FBXW7: variants seen among roughly 807,000 people sequenced by gnomAD.
The protein encoded by FBXW7 is F-box and WD repeat domain containing 7.
A neutral mutation model predicts 86.3 loss-of-function variants in FBXW7; 11 were observed. The ratio of observed to expected loss-of-function variants is 0.13; its 90% CI spans 0.08 to 0.21. The LOEUF (loss-of-function observed/expected upper bound fraction) is 0.21, where lower values mean the gene tolerates loss of function less well. Among genes scored for constraint, FBXW7 ranks in the 10% least tolerant of loss-of-function variants. The probability of loss-of-function intolerance (pLI) is 1.00; values close to 1 mark genes in which losing one functional copy is unlikely to be tolerated. For missense variants in FBXW7, 488 were observed against 847.4 expected (o/e 0.58, Z 5.27); for synonymous variants, 313 against 297.9 (o/e 1.05, Z -0.52).
rs570883104 is a variant in FBXW7, at chr4:152,535,880, G to A, written c.-966C>T. Reference sequence around the variant, plus strand: ...GCAGCCGCCGCTGCCGGCCGGGAAGGTGAGGGGGGGAAAGGAGTGCGGCCG... The same window carrying A: ...GCAGCCGCCGCTGCCGGCCGGGAAGATGAGGGGGGGAAAGGAGTGCGGCCG... On this transcript the variant is annotated 5_prime_UTR_variant, in exon 1 of 14. Transcript: ENST00000281708. 2.6e-6 allele frequency: 1 copy of A among 377,904 alleles called. No individual in the cohort carries two copies. The highest frequency in any genetic ancestry group is 2.1e-5 in the African/African-American group (1 of 47,966). 23.4% of individuals were successfully genotyped at this position (377,904 alleles called of 1,614,324 possible).
chr4:152,390,450 GCTC>G (rs1735902675), intron 4 of FBXW7, among the ~76,000 whole-genome samples: 1 of 151,948 alleles, frequency 6.6e-6, no homozygotes, highest in African/African-American at 2.4e-5. Flanking sequence ...TTACACAGCT[GCTC>G]ACCAAGAATT....
chr4:152,385,226 G>C (rs538659572), intron 4 of FBXW7, among the ~76,000 whole-genome samples: 34 of 152,084 alleles, frequency 2.2e-4, no homozygotes, highest in Middle Eastern at 6.8e-3. Context: ...TTTTAACAAT[G>C]TGATACTCCA....
chr4:152,449,049 C>T (rs1369219173), intron 2 of FBXW7, among the ~76,000 whole-genome samples: 1 of 152,212 alleles, frequency 6.6e-6, no homozygotes, highest in Non-Finnish European at 1.5e-5. Context: ...TCCACACACA[C>T]TGTTCAAGAA....
At chr4:152,428,507 CAGAA>C (rs1015305741) in intron 2 of FBXW7, among the ~76,000 whole-genome samples, 3 of 152,188 alleles carry the variant, frequency 2.0e-5, no homozygotes, top group Non-Finnish European at 2.9e-5. Flanking sequence ...GACTGGAATT[CAGAA>C]AGAGAGATTC....
chr4:152,491,128 C>T (rs947770985), intron 2 of FBXW7, among the ~76,000 whole-genome samples: 3 of 152,150 alleles, frequency 2.0e-5, no homozygotes, highest in African/African-American at 4.8e-5. Flanking sequence ...TCTAATAACA[C>T]AGTTTTATTG....
chr4:152,352,919 A>G, intron 4 of FBXW7: 5 of 1,429,326 alleles, frequency 3.5e-6, no homozygotes, highest in Non-Finnish European at 2.7e-6. Flanking sequence ...TGCAGACTGC[A>G]CATCAATTAT....
At chr4:152,518,027 C>T (rs759475395) in intron 2 of FBXW7, among the ~76,000 whole-genome samples, 2 of 152,024 alleles carry the variant, frequency 1.3e-5, no homozygotes, top group Non-Finnish European at 2.9e-5. Context: ...CTCGCTGTGT[C>T]GCCCAGGCTG....
chr4:152,525,457 C>T (rs1225358803), intron 2 of FBXW7, among the ~76,000 whole-genome samples: 1 of 152,172 alleles, frequency 6.6e-6, no homozygotes, highest in African/African-American at 2.4e-5. Flanking sequence ...CTTCTCCCTC[C>T]TCCAACCCTC....
chr4:152,396,399 G>A (rs1288071535), intron 4 of FBXW7, among the ~76,000 whole-genome samples: 1 of 151,782 alleles, frequency 6.6e-6, no homozygotes, highest in Admixed American at 6.6e-5. Context: ...CTCCCTACAA[G>A]AGCTACTATT....
In FBXW7 at chr4:152,342,497, G is replaced by A. The variant is rs976255229; in HGVS notation, c.726+4433C>T. Among the ~76,000 whole-genome samples, 4 of 152,210 alleles carry A rather than the reference G, an allele frequency of 2.6e-5. No individual in the cohort carries two copies. The South Asian group carries it at 6.2e-4, about 24-fold the overall frequency. ...TTTTTAAACAAGCAACTCATCCAGT[G>A]TTGATGTAGATGACTCACAAAGCAG... On this transcript the variant is annotated intron_variant, in intron 6 of 13. Transcript: ENST00000281708.
intron 2 of FBXW7, among the ~76,000 whole-genome samples, chr4:152,497,334 A>AC (rs1355413638): frequency 5.7e-5 from 8 of 139,470 alleles, no homozygotes; most frequent in Non-Finnish European, 1.1e-4. Context: ...AAAAAAAAAA[A>AC]AAAAAAAACC....
intron 4 of FBXW7, among the ~76,000 whole-genome samples, chr4:152,379,540 G>C (rs1367459521): frequency 6.6e-6 from 1 of 151,646 alleles, no homozygotes; most frequent in Non-Finnish European, 1.5e-5. Flanking sequence ...TTTTTCAGAG[G>C]CAAGGTCTCA....
chr4:152,376,804 T>G (rs1734567678), intron 4 of FBXW7, among the ~76,000 whole-genome samples: 1 of 152,086 alleles, frequency 6.6e-6, no homozygotes, highest in Non-Finnish European at 1.5e-5. Context: ...CTCAGTTGCC[T>G]GACCCCAGAC....
intron 2 of FBXW7, among the ~76,000 whole-genome samples, chr4:152,415,891 A>G (rs1738384647): frequency 6.6e-6 from 1 of 152,062 alleles, no homozygotes; most frequent in South Asian, 2.1e-4. Context: ...CCCCTATTCA[A>G]TGATACTTTC....
At chr4:152,514,245 C>T (rs912170584) in intron 2 of FBXW7, among the ~76,000 whole-genome samples, 5 of 152,084 alleles carry the variant, frequency 3.3e-5, no homozygotes, top group African/African-American at 1.2e-4. Context: ...TGAGTCTTCC[C>T]TTGGGGTTCC....
intron 2 of FBXW7, among the ~76,000 whole-genome samples, chr4:152,523,117 A>G (rs543781175): frequency 2.0e-3 from 307 of 152,380 alleles, no homozygotes; most frequent in Admixed American, 4.1e-3. Context: ...TTCAGCAACT[A>G]GAGTGGTTCA....
At chr4:152,532,581 G>A (rs1165276179) in intron 2 of FBXW7, among the ~76,000 whole-genome samples, 2 of 152,052 alleles carry the variant, frequency 1.3e-5, no homozygotes, top group African/African-American at 4.8e-5. Flanking sequence ...CTTAAATATT[G>A]TGTCTCCACT....
chr4:152,323,037 A>G lies in FBXW7; in HGVS notation c.1968T>C (p.Phe656=). The change falls in exon 14 of 14, where the codon TTT becomes TTC. Residue 656 remains phenylalanine (F), a synonymous_variant. Transcript: ENST00000281708. ...VKLWDLKTGE[F]IRNLVTLESG... is the part of the protein sequence containing the mutation. ...TCTCCAATGTGACTAGGTTTCGAAT[A>G]AATTCACCCGTTTTCAAGTCCCATA... 1 of 1,613,876 alleles carries G rather than the reference A, an allele frequency of 6.2e-7. No homozygotes were observed. The highest frequency in any genetic ancestry group is 8.5e-7 in the Non-Finnish European group (1 of 1,179,848).
At chr4:152,513,777 C>A (rs1045225324) in intron 2 of FBXW7, among the ~76,000 whole-genome samples, 1 of 152,214 alleles carries the variant, frequency 6.6e-6, no homozygotes, top group Admixed American at 6.5e-5. Flanking sequence ...AGAAACCATT[C>A]TGAAACACTA....
Sources: gnomAD v4.1 joint callset for allele counts (sites outside exome capture counted in the v4.1 genomes callset) on GRCh38, gnomAD v4.1.1 for gene constraint, MANE v1.5 for transcripts, NCBI Gene and HGNC (gene_info 2026-07-23, HGNC 2026-07-21) for gene names.